SRFBP1: variants seen among roughly 807,000 people sequenced by gnomAD.
SRFBP1 encodes serum response factor binding protein 1.
Under a neutral mutation model 45.5 loss-of-function variants are expected in SRFBP1, and 47 were observed. The observed-to-expected ratio is 1.03, with a 90% CI of 0.82 to 1.32. The LOEUF (loss-of-function observed/expected upper bound fraction) is 1.32. Ranked by LOEUF, SRFBP1 falls within the 40% of genes most tolerant of loss-of-function variation. The pLI, the probability that SRFBP1 is intolerant of heterozygous loss-of-function variation, is 0.00. For missense variants in SRFBP1, 621 were observed against 484.6 expected (o/e 1.28, Z -2.64); for synonymous variants, 203 against 166.3 (o/e 1.22, Z -1.70).
chr5:122,047,349 A>T (rs1404203659), intron 2 of SRFBP1, among the ~76,000 whole-genome samples: 1 of 152,144 alleles, frequency 6.6e-6, no homozygotes, highest in Non-Finnish European at 1.5e-5. Flanking sequence ...CAAACATCAG[A>T]TGGTTGTAGA....
chr5:121,983,782 A>G (rs1446546201), intron 3 of SRFBP1, among the ~76,000 whole-genome samples: 2 of 151,770 alleles, frequency 1.3e-5, no homozygotes, highest in Non-Finnish European at 3.0e-5. Context: ...ATTTGTAGAC[A>G]TTTAGTAATT....
At chr5:121,990,368 G>A (rs1025608801) in intron 3 of SRFBP1, among the ~76,000 whole-genome samples, 5 of 152,156 alleles carry the variant, frequency 3.3e-5, no homozygotes, top group Admixed American at 6.5e-5. Context: ...ACAAGTAGGA[G>A]CTAATCATTG....
chr5:122,071,329 A>C (rs1278617825), intron 2 of SRFBP1, among the ~76,000 whole-genome samples: 2 of 152,106 alleles, frequency 1.3e-5, no homozygotes, highest in African/African-American at 4.8e-5. Flanking sequence ...TATCCAGCCT[A>C]GTAAGTGGCT....
At chr5:122,002,959 G>A (rs1018926750) in intron 4 of SRFBP1, among the ~76,000 whole-genome samples, 15 of 152,136 alleles carry the variant, frequency 9.9e-5, no homozygotes, top group Non-Finnish European at 2.1e-4. Context: ...GGCATTTTAT[G>A]GCTAGAAAAG....
intron 3 of SRFBP1, among the ~76,000 whole-genome samples, chr5:121,987,546 C>G (rs1235306755): frequency 2.0e-5 from 3 of 152,072 alleles, no homozygotes; most frequent in Admixed American, 6.6e-5. Context: ...GTCTCTCACT[C>G]TTACAAGTTA....
chr5:122,046,642 A>T (rs1194074340), intron 2 of SRFBP1, among the ~76,000 whole-genome samples: 1 of 152,194 alleles, frequency 6.6e-6, no homozygotes, highest in East Asian at 1.9e-4. Flanking sequence ...ACAATGGTTG[A>T]ACTAGTTTAC....
chr5:122,075,335 T>C (rs995527487), exon 3 of SRFBP1: 1 of 1,379,214 alleles, frequency 7.3e-7, no homozygotes, highest in African/African-American at 1.4e-5. Context: ...AGACTTGCAT[T>C]TGTGATATCA....
chr5:122,021,837 C>T lies in SRFBP1; in HGVS notation c.1068-533C>T, dbSNP rs544453932. Among the ~76,000 whole-genome samples, 142 of 151,084 alleles carry T rather than the reference C, an allele frequency of 9.4e-4. 2 individuals are homozygous for T. The highest frequency in any genetic ancestry group is 3.2e-3 in the African/African-American group (131 of 41,002). On this transcript the variant is annotated intron_variant, in intron 6 of 7. Transcript: ENST00000339397. Reference sequence around the variant, plus strand: ...GATTATAGGCGCATGCCACCACGCCCGGCTAATTTTTGTTTTTTTTTTGTT... The same window carrying T: ...GATTATAGGCGCATGCCACCACGCCTGGCTAATTTTTGTTTTTTTTTTGTT...
intron 3 of SRFBP1, among the ~76,000 whole-genome samples, chr5:121,976,514 G>A (rs747422351): frequency 5.3e-5 from 8 of 151,622 alleles, no homozygotes; most frequent in Non-Finnish European, 8.8e-5. Flanking sequence ...AATCTTTAGA[G>A]ATTTTGTCTT....
chr5:122,043,777 G>C (rs986128616), intron 2 of SRFBP1, among the ~76,000 whole-genome samples: 1 of 152,108 alleles, frequency 6.6e-6, no homozygotes. Context: ...TAAGGTCTCT[G>C]TGGCAGCTAC....
At chr5:121,986,511 G>T (rs1002555961) in intron 3 of SRFBP1, among the ~76,000 whole-genome samples, 38 of 151,918 alleles carry the variant, frequency 2.5e-4, no homozygotes, top group Admixed American at 9.2e-4. Flanking sequence ...TTATTAATAG[G>T]GCCTTATTTT....
chr5:122,003,374 A>G (rs1752913526), intron 4 of SRFBP1, among the ~76,000 whole-genome samples: 1 of 151,644 alleles, frequency 6.6e-6, no homozygotes, highest in South Asian at 2.1e-4. Context: ...GAAAAATGTT[A>G]TCCCTAAAAT....
intron 4 of SRFBP1, among the ~76,000 whole-genome samples, chr5:122,000,926 T>C (rs529109694): frequency 6.6e-6 from 1 of 152,238 alleles, no homozygotes; most frequent in East Asian, 1.9e-4. Context: ...AACTGTGTGT[T>C]CCCAGAGGAT....
At chr5:122,023,436 A>T (rs1753403367) in intron 7 of SRFBP1, among the ~76,000 whole-genome samples, 1 of 152,218 alleles carries the variant, frequency 6.6e-6, no homozygotes. Flanking sequence ...TGTACCAAAA[A>T]GAAATTCATA....
intron 2 of SRFBP1, among the ~76,000 whole-genome samples, chr5:122,037,980 G>A (rs1007077174): frequency 6.6e-6 from 1 of 152,168 alleles, no homozygotes; most frequent in Admixed American, 6.5e-5. Context: ...ATCCTTAAGT[G>A]GAATGTGGAT....
At chr5:121,974,325 TC>T (rs1561576781) in intron 2 of SRFBP1, 41 bp downstream of exon 2, 1 of 1,420,904 alleles carries the variant, frequency 7.0e-7, no homozygotes, top group African/African-American at 1.4e-5. Flanking sequence ...TAATAAAATG[TC>T]AAAAGTTGTT....
At chr5:122,075,369 C>T in exon 3 of SRFBP1, 2 of 1,539,974 alleles carry the variant, frequency 1.3e-6, no homozygotes, top group South Asian at 1.3e-5. Context: ...AAATGAAAAG[C>T]AACCCAAAAG....
rs963198700 is a variant in SRFBP1, at chr5:122,049,060, G to T, written n.312-26255G>T. The stretch of plus-strand genomic sequence containing the variant: ...TCTCTGTTTCCTTCAGTTCTGCTCT[G>T]ATCTTAGTTATTTCTTGTCTTCTGC... On this transcript the variant is annotated intron_variant and non_coding_transcript_variant, in intron 2 of 2. Coordinates refer to the SRFBP1 transcript ENST00000504881. Among the ~76,000 whole-genome samples the T allele has an allele frequency of 1.9e-3, 286 of 152,116 alleles. 2 individuals carry two copies. Among genetic ancestry groups the T allele is most frequent in the African/African-American group, 6.5e-3 (270 of 41,490 alleles).
intron 6 of SRFBP1, 54 bp downstream of exon 6, chr5:122,020,856 T>G: frequency 7.1e-7 from 1 of 1,415,944 alleles, no homozygotes; most frequent in Non-Finnish European, 9.4e-7. Context: ...TAAAAAGCTA[T>G]AAATGTCTAC....
Sources: gnomAD v4.1 joint callset for allele counts (sites outside exome capture counted in the v4.1 genomes callset) on GRCh38, gnomAD v4.1.1 for gene constraint, MANE v1.5 for transcripts, NCBI Gene and HGNC (gene_info 2026-07-23, HGNC 2026-07-21) for gene names.